Variants in PPP3R1 observed in about 807,000 individuals in gnomAD.
PPP3R1 encodes calcineurin subunit B type 1.
PPP3R1 carries 5 observed loss-of-function variants against 22.6 expected under a neutral mutation model. The ratio of observed to expected loss-of-function variants is 0.22; its 90% CI spans 0.12 to 0.46. The LOEUF is 0.46. Among genes scored for constraint, PPP3R1 ranks in the 20% least tolerant of loss-of-function variants. The pLI, the probability that PPP3R1 is intolerant of heterozygous loss-of-function variation, is 0.99. For missense variants in PPP3R1, 61 were observed against 203.2 expected (o/e 0.30, Z 4.25); for synonymous variants, 56 against 65.2 (o/e 0.86, Z 0.68).
At chr2:68,215,324 C>CA (rs1292905603) in intron 2 of PPP3R1, among the ~76,000 whole-genome samples, 7 of 151,378 alleles carry the variant, frequency 4.6e-5, no homozygotes, top group African/African-American at 1.7e-4. Context: ...TATTCCAAAA[C>CA]CCCCCCCAAA....
chr2:68,229,874 G>GTA (rs199619441), intron 1 of PPP3R1, among the ~76,000 whole-genome samples: 1 of 151,648 alleles, frequency 6.6e-6, no homozygotes, highest in African/African-American at 2.4e-5. Context: ...GTGTGTGTGT[G>GTA]TATGTATGTG....
chr2:68,198,141 T>C (rs74418080), intron 2 of PPP3R1, among the ~76,000 whole-genome samples: 4,838 of 131,072 alleles, frequency 0.037, 322 homozygotes, highest in African/African-American at 0.13. Context: ...CATGTTTACA[T>C]ATACAATACA....
intron 2 of PPP3R1, among the ~76,000 whole-genome samples, chr2:68,192,763 T>C (rs1674692658): frequency 6.6e-6 from 1 of 152,190 alleles, no homozygotes; most frequent in East Asian, 1.9e-4. Context: ...TTACATTTTC[T>C]AGTGGCTTTC....
intron 5 of PPP3R1, among the ~76,000 whole-genome samples, chr2:68,183,605 C>T (rs977935041): frequency 7.2e-5 from 11 of 152,228 alleles, no homozygotes; most frequent in Admixed American, 6.5e-5. Context: ...TGTAAAATTA[C>T]ATTCCCAAGA....
chr2:68,223,137 T>C lies in PPP3R1; in HGVS notation c.4-6006A>G, dbSNP rs543758770. ...ATGGCCGGGCGCGGTGGCTCACGCC[T>C]ATAATCCTAACACTTGGGGGGCTGA... On this transcript the variant is annotated intron_variant, in intron 1 of 5. Transcript: ENST00000234310. Among the ~76,000 whole-genome samples the C allele has an allele frequency of 4.6e-5, 7 of 152,294 alleles. No individual in the cohort carries two copies. The East Asian group carries it at 1.4e-3, about 29-fold the overall frequency.
Position 68,252,465 on chromosome 2 carries a change from T to C in PPP3R1, c.-338A>G. ...GCCGGGAAACTCGGGGGCTGCAGCC[T>C]CGCGCTCGCGCCGGAGCCGTGACGG... On this transcript the variant is annotated 5_prime_UTR_variant, in exon 1 of 6. Transcript: ENST00000234310. The C allele has an allele frequency of 4.0e-6, 4 of 987,964 alleles. No homozygotes were observed. Among genetic ancestry groups the C allele is most frequent in the Non-Finnish European group, 4.8e-6 (4 of 832,430 alleles). The allele number at this position is 987,964 out of a possible 1,614,324, so 61.2% of individuals were successfully genotyped here.
At chr2:68,213,178 C>T (rs935216960) in intron 2 of PPP3R1, among the ~76,000 whole-genome samples, 1 of 152,168 alleles carries the variant, frequency 6.6e-6, no homozygotes, top group African/African-American at 2.4e-5. Flanking sequence ...AAGAACTTTT[C>T]CTTTGCATTC....
Position 68,186,556 on chromosome 2 carries a change from T to A in PPP3R1, c.377A>T (p.Asp126Val). The A allele has an allele frequency of 6.2e-7, 1 of 1,612,814 alleles. No homozygotes were observed. Among genetic ancestry groups the A allele is most frequent in the Non-Finnish European group, 8.5e-7 (1 of 1,178,866 alleles). ...LKMMVGNNLK[D>V]TQLQQIVDKT... ...GTCTACAATTTGCTGTAACTGTGTA[T>A]CTTTCAGATTGTTCCCCACCATCAT... Residue 126 changes from aspartate to valine, a missense_variant, in exon 5 of 6, where the codon GAT becomes GTT. Asp to Val is a radical substitution (Grantham distance 152). Coordinates refer to ENST00000234310, the MANE Select transcript of PPP3R1 (RefSeq NM_000945.4).
At chr2:68,211,207 C>A (rs1424660953) in intron 2 of PPP3R1, among the ~76,000 whole-genome samples, 1 of 151,954 alleles carries the variant, frequency 6.6e-6, no homozygotes, top group African/African-American at 2.4e-5. Flanking sequence ...GAGATTCAGA[C>A]CATCCTGGCT....
rs546248709 is a variant in PPP3R1, at chr2:68,235,390, A to C, written c.3+16735T>G. On this transcript the variant is annotated intron_variant, in intron 1 of 5. Transcript: ENST00000234310. ...CCCAACTCCCCCTCAGGCCAGCCCT[A>C]AGTAATCACAAATCTACTTTCTGGC... Among the ~76,000 whole-genome samples the C allele has an allele frequency of 2.2e-4, 33 of 152,276 alleles. No homozygotes were observed. The East Asian group carries it at 6.0e-3, about 28-fold the overall frequency.
chr2:68,228,000 C>A (rs376439982), intron 1 of PPP3R1, among the ~76,000 whole-genome samples: 1 of 152,130 alleles, frequency 6.6e-6, no homozygotes, highest in Admixed American at 6.5e-5. Flanking sequence ...TTCAGCACTA[C>A]GCTAAAAAGG....
intron 1 of PPP3R1, among the ~76,000 whole-genome samples, chr2:68,248,785 C>T (rs1279957924): frequency 6.6e-6 from 1 of 152,190 alleles, no homozygotes; most frequent in Non-Finnish European, 1.5e-5. Flanking sequence ...CTTCATAAAA[C>T]TTTTCCTAAT....
At chr2:68,249,829 T>C (rs1670308425) in intron 1 of PPP3R1, among the ~76,000 whole-genome samples, 1 of 152,208 alleles carries the variant, frequency 6.6e-6, no homozygotes, top group Non-Finnish European at 1.5e-5. Context: ...CTTTTTACTT[T>C]CCATACTTGA....
intron 2 of PPP3R1, among the ~76,000 whole-genome samples, chr2:68,193,845 T>C (rs1241706237): frequency 1.3e-5 from 2 of 152,154 alleles, no homozygotes; most frequent in African/African-American, 4.8e-5. Flanking sequence ...GATCTGCACT[T>C]AGTACCAGTT....
At chr2:68,226,460 T>C (rs1458631848) in intron 1 of PPP3R1, among the ~76,000 whole-genome samples, 3 of 152,178 alleles carry the variant, frequency 2.0e-5, no homozygotes, top group Admixed American at 6.5e-5. Context: ...ACAATAAAGT[T>C]TCACAGCTGT....
intron 1 of PPP3R1, among the ~76,000 whole-genome samples, chr2:68,233,903 A>C (rs1669965735): frequency 6.6e-6 from 1 of 152,206 alleles, no homozygotes; most frequent in African/African-American, 2.4e-5. Flanking sequence ...TGTGACTATA[A>C]ACAGGGATGG....
chr2:68,249,328 C>A (rs76118366), intron 1 of PPP3R1, among the ~76,000 whole-genome samples: 6,514 of 151,724 alleles, frequency 0.043, 439 homozygotes, highest in African/African-American at 0.14. Context: ...GTGGCCTTTG[C>A]CACAGAATCT....
At chr2:68,227,677 A>C (rs1409424142) in intron 1 of PPP3R1, among the ~76,000 whole-genome samples, 1 of 152,134 alleles carries the variant, frequency 6.6e-6, no homozygotes, top group Non-Finnish European at 1.5e-5. Context: ...TTGAAGGCAC[A>C]TAATATGTTT....
chr2:68,196,530 T>C (rs1467343983), intron 2 of PPP3R1, among the ~76,000 whole-genome samples: 1 of 152,220 alleles, frequency 6.6e-6, no homozygotes, highest in Non-Finnish European at 1.5e-5. Context: ...GTATGTGTTG[T>C]ACCTTTTCTT....
Sources: allele counts gnomAD v4.1 joint callset (sites outside exome capture counted in the v4.1 genomes callset), GRCh38; gene constraint gnomAD v4.1.1; transcripts MANE v1.5; gene names NCBI Gene and HGNC (gene_info 2026-07-23, HGNC 2026-07-21).